The following TBC1D19 variants were observed in gnomAD, a reference collection of about 807,000 sequenced individuals.
TBC1D19 encodes TBC1 domain family member 19, also known as TBC1 domain family, member 19.
In TBC1D19, 60 loss-of-function variants were observed where a neutral mutation model predicts 89.0. The ratio of observed to expected loss-of-function variants is 0.67; its 90% CI spans 0.55 to 0.84. The LOEUF is 0.84. Among genes scored for constraint, TBC1D19 ranks in the 40% least tolerant of loss-of-function variants. The pLI is 0.00. For synonymous variants in TBC1D19, 189 were observed against 199.7 expected, an observed-to-expected ratio of 0.95 and a Z score of 0.45; for missense variants, 500 against 610.8, an observed-to-expected ratio of 0.82 and a Z score of 1.91.
At chr4:26,585,696 G>A (rs12640951) in intron 1 of TBC1D19, among the ~76,000 whole-genome samples, 69,075 of 151,512 alleles carry the variant, frequency 0.46, 17,472 homozygotes, top group Admixed American at 0.6. Context: ...TGATCCTCCC[G>A]CCTTCGCCTC....
chr4:26,689,231 C>T (rs973785739), intron 13 of TBC1D19, among the ~76,000 whole-genome samples: 37 of 151,936 alleles, frequency 2.4e-4, no homozygotes, highest in African/African-American at 8.9e-4. Flanking sequence ...TTTTAAATAA[C>T]CCCAGAAACA....
In TBC1D19 at chr4:26,584,304, C is replaced by G. The variant is rs780886694; in HGVS notation, c.99+12C>G. 6.4e-5 allele frequency: 103 copies of G among 1,602,326 alleles called. 1 individual carries two copies. Among genetic ancestry groups the G allele is most frequent in the Non-Finnish European group, 8.1e-5 (95 of 1,175,004 alleles). On this transcript the variant is annotated intron_variant, in intron 1 of 20. Transcript: ENST00000264866. ...AACGGCAGGCCTGGGTAAGTGAGGC[C>G]GAGTGGGAAGGGATGCAGACGGGCG...
intron 11 of TBC1D19, among the ~76,000 whole-genome samples, chr4:26,675,507 A>G (rs763348629): frequency 1.3e-5 from 2 of 152,096 alleles, no homozygotes; most frequent in Non-Finnish European, 2.9e-5. Flanking sequence ...AGAAATTAAT[A>G]TTTTCAGGAA....
chr4:26,663,943 A>G (rs1412182134), intron 8 of TBC1D19, among the ~76,000 whole-genome samples: 2 of 152,208 alleles, frequency 1.3e-5, no homozygotes, highest in African/African-American at 4.8e-5. Context: ...TCTAAAGTGT[A>G]GTTGTGATAA....
intron 1 of TBC1D19, among the ~76,000 whole-genome samples, chr4:26,603,782 A>T (rs1378061638): frequency 6.6e-6 from 1 of 152,260 alleles, no homozygotes; most frequent in Non-Finnish European, 1.5e-5. Context: ...ATATTAAAAT[A>T]AAGTGAACAA....
chr4:26,829,799 T>C, the TBC1D19 span, among the ~76,000 whole-genome samples: 1 of 152,248 alleles, frequency 6.6e-6, no homozygotes, highest in Admixed American at 6.5e-5. Context: ...CTTTTTGTGA[T>C]ACATGTGGAC....
At chr4:26,633,706 T>C (rs531788445) in intron 4 of TBC1D19, among the ~76,000 whole-genome samples, 3 of 152,262 alleles carry the variant, frequency 2.0e-5, no homozygotes, top group African/African-American at 7.2e-5. Flanking sequence ...GAAAGTCCTA[T>C]GTGGCAATTT....
the TBC1D19 span, among the ~76,000 whole-genome samples, chr4:26,843,319 T>C: frequency 6.6e-6 from 1 of 152,170 alleles, no homozygotes; most frequent in Non-Finnish European, 1.5e-5. Context: ...AACTTTTCAG[T>C]CACATAATAC....
At chr4:26,847,373 C>A in the TBC1D19 span, among the ~76,000 whole-genome samples, 5 of 152,114 alleles carry the variant, frequency 3.3e-5, no homozygotes, top group Non-Finnish European at 7.3e-5. Context: ...GACAAGGCTC[C>A]ACTGAGAAGG....
At chr4:26,787,333 C>CTCGG in the TBC1D19 span, among the ~76,000 whole-genome samples, 2 of 152,044 alleles carry the variant, frequency 1.3e-5, no homozygotes, top group Admixed American at 6.5e-5. Context: ...AACTCCTGAG[C>CTCGG]TCGGGCAATC....
At chr4:26,776,037 C>A in the TBC1D19 span, among the ~76,000 whole-genome samples, 1 of 152,062 alleles carries the variant, frequency 6.6e-6, no homozygotes, top group Non-Finnish European at 1.5e-5. Flanking sequence ...AGCTTACTTG[C>A]CATCAGGTAT....
At chr4:26,689,932 C>T (rs143178293) in intron 13 of TBC1D19, among the ~76,000 whole-genome samples, 13 of 152,262 alleles carry the variant, frequency 8.5e-5, no homozygotes, top group East Asian at 1.9e-4. Context: ...CTAGTGAGGA[C>T]GGCATGCCCA....
chr4:26,681,197 G>A (rs547998931), intron 11 of TBC1D19, among the ~76,000 whole-genome samples: 2 of 152,156 alleles, frequency 1.3e-5, no homozygotes, highest in South Asian at 2.1e-4. Context: ...AATTTGAATT[G>A]ATTTTTTTTC....
the TBC1D19 span, among the ~76,000 whole-genome samples, chr4:26,826,778 G>A: frequency 1.3e-5 from 2 of 152,336 alleles, no homozygotes; most frequent in African/African-American, 2.4e-5. Context: ...CCCCGGTGGC[G>A]GGTGGATGTT....
At chr4:26,854,746 T>TC in the TBC1D19 span, among the ~76,000 whole-genome samples, 1 of 114,586 alleles carries the variant, frequency 8.7e-6, no homozygotes, top group African/African-American at 3.6e-5. Context: ...TTTTTTTTTT[T>TC]CCTCTGGGGC....
At chr4:26,730,833 A>G (rs1717611706) in intron 15 of TBC1D19, among the ~76,000 whole-genome samples, 1 of 152,220 alleles carries the variant, frequency 6.6e-6, no homozygotes, top group South Asian at 2.1e-4. Flanking sequence ...GTATATCAGG[A>G]GGTGTATACC....
upstream of TBC1D19, among the ~76,000 whole-genome samples, chr4:26,581,265 C>T (rs1020776213): frequency 1.2e-4 from 18 of 152,218 alleles, no homozygotes; most frequent in East Asian, 1.2e-3. Flanking sequence ...CGTGCAGGTT[C>T]GTTACATAGG....
intron 13 of TBC1D19, among the ~76,000 whole-genome samples, chr4:26,715,632 A>G (rs937264545): frequency 6.6e-6 from 1 of 152,092 alleles, no homozygotes; most frequent in Non-Finnish European, 1.5e-5. Flanking sequence ...TGTCAGACCC[A>G]TCCTGAGCTG....
chr4:26,618,470 T>C (rs1196533720), intron 3 of TBC1D19, among the ~76,000 whole-genome samples: 2 of 151,928 alleles, frequency 1.3e-5, no homozygotes, highest in African/African-American at 2.4e-5. Flanking sequence ...GTACAAAAGT[T>C]TGTATGGCTG....
Sources: gnomAD v4.1 joint callset for allele counts (sites outside exome capture counted in the v4.1 genomes callset) on GRCh38, gnomAD v4.1.1 for gene constraint, MANE v1.5 for transcripts, NCBI Gene and HGNC (gene_info 2026-07-23, HGNC 2026-07-21) for gene names.